Variants in COQ4 observed in about 807,000 individuals in gnomAD.
The protein encoded by COQ4 is coenzyme Q4.
In COQ4, 36 loss-of-function variants were observed where a neutral mutation model predicts 30.2. The ratio of observed to expected loss-of-function variants is 1.19; its 90% CI spans 0.91 to 1.57. The LOEUF (loss-of-function observed/expected upper bound fraction) is 1.57. Among genes scored for constraint, COQ4 ranks in the 40% most tolerant of loss-of-function variants. The pLI, the probability that COQ4 is intolerant of heterozygous loss-of-function variation, is 0.00. For missense variants in COQ4, 369 were observed against 371.9 expected (o/e 0.99, Z 0.07); for synonymous variants, 197 against 161.0 (o/e 1.22, Z -1.69).
At chr9:128,323,426 A>G (rs1254517437) in intron 2 of COQ4, 1 of 520,544 alleles carries the variant, frequency 1.9e-6, no homozygotes, top group Non-Finnish European at 3.3e-6. Flanking sequence ...GACTAAATAG[A>G]TGATTCATAA....
In COQ4 at chr9:128,333,928, T is replaced by A; in HGVS notation, c.*283T>A. ...TGCTGGGATGTCGCAGTGCTCCTGTTGCAACTCCTCCCAGCCAGCCAGGTT... is the reference window on the plus strand; with the variant it reads ...TGCTGGGATGTCGCAGTGCTCCTGTAGCAACTCCTCCCAGCCAGCCAGGTT... On this transcript the variant is annotated 3_prime_UTR_variant, in exon 7 of 7. Transcript: ENST00000300452. 3.9e-6 allele frequency: 1 copy of A among 255,280 alleles called. No homozygotes were observed. The highest frequency in any genetic ancestry group is 7.4e-6 in the Non-Finnish European group (1 of 134,710). 15.8% of individuals were successfully genotyped at this position (255,280 alleles called of 1,614,324 possible). A position where few individuals can be genotyped will look rare whatever the true frequency, so the allele number is the denominator to read the frequency against.
Position 128,324,298 on chromosome 9 carries a change from A to G in COQ4, c.203-845A>G, listed in dbSNP as rs531871498. Among the ~76,000 whole-genome samples, 4 of 151,434 alleles carry G rather than the reference A, an allele frequency of 2.6e-5. No individual in the cohort carries two copies. The South Asian group carries it at 8.4e-4, about 32-fold the overall frequency. On this transcript the variant is annotated intron_variant, in intron 2 of 6. Transcript: ENST00000300452. ...CCGGCCAAGACCAGCGAATTTTTTA[A>G]TTTTTTTGTAGAGACGGCGTCTTGC...
chr9:128,332,387 C>G (rs933925605), intron 5 of COQ4, 105 bp downstream of exon 5: 1 of 1,264,812 alleles, frequency 7.9e-7, no homozygotes, highest in Non-Finnish European at 1.1e-6. Context: ...CTTGGTGCCT[C>G]AATTTCTGCT....
At chr9:128,326,021 C>T (rs1361731357) in intron 4 of COQ4, 140 bp downstream of exon 4, 6 of 748,450 alleles carry the variant, frequency 8.0e-6, no homozygotes, top group Non-Finnish European at 2.3e-6. Context: ...AAGGCTTTGT[C>T]ATTTTCTATG....
chr9:128,325,737 C>T (rs754048442), intron 3 of COQ4, 42 bp from the exon 4 acceptor site: 9 of 1,521,238 alleles, frequency 5.9e-6, no homozygotes, highest in Non-Finnish European at 2.7e-6. Context: ...CGTTCACCTA[C>T]CTTTGCCCAC....
intron 2 of COQ4, among the ~76,000 whole-genome samples, chr9:128,323,897 A>G (rs910728154): frequency 1.1e-4 from 16 of 152,160 alleles, no homozygotes; most frequent in African/African-American, 3.1e-4. Flanking sequence ...GTAAGTTGTG[A>G]TTGCGCCATT....
Position 128,325,873 on chromosome 9 carries a change from G to A in COQ4, c.394G>A (p.Asp132Asn). ...SLGREYLRFLDVNRVSPDTRA... is the reference protein window; with the variant it reads ...SLGREYLRFLNVNRVSPDTRA... ...CGGTCGCGAGTATCTCCGTTTCCTG[G>A]ATGTGAACGTGAGTTTTCAGCTCCT... The change falls in exon 4 of 7, where the codon GAT (aspartate) becomes AAT (asparagine). Residue 132 changes from aspartate (D) to asparagine (N), a missense_variant. Transcript: ENST00000300452. 6.2e-7 allele frequency: 1 copy of A among 1,614,082 alleles called. No homozygotes were observed. Among genetic ancestry groups the A allele is most frequent in the Admixed American group, 1.7e-5 (1 of 60,020 alleles).
In COQ4 at chr9:128,333,679, C is replaced by T. The variant is rs1832453986; in HGVS notation, c.*34C>T. On this transcript the variant is annotated 3_prime_UTR_variant, in exon 7 of 7. Transcript: ENST00000300452. ...GCCAGCGGGGCCTGGCCTACCTCCC[C>T]CATCCCCTGCTTCCCTTGGAGGCAG... The T allele has an allele frequency of 1.3e-6, 2 of 1,488,170 alleles. No homozygotes were observed. Among genetic ancestry groups the T allele is most frequent in the African/African-American group, 1.4e-5 (1 of 70,234 alleles). 92.2% of individuals were successfully genotyped at this position (1,488,170 alleles called of 1,614,324 possible).
At chr9:128,330,838 C>G (rs964259541) in intron 4 of COQ4, 1 of 119,032 alleles carries the variant, frequency 8.4e-6, no homozygotes, top group African/African-American at 3.1e-5. Context: ...AATCAATTTT[C>G]TTTTTTTTTT....
intron 6 of COQ4, 45 bp downstream of exon 6, chr9:128,332,988 A>G: frequency 7.0e-7 from 1 of 1,434,886 alleles, no homozygotes; most frequent in Non-Finnish European, 9.8e-7. Flanking sequence ...GGGTGGTATC[A>G]GGACAGAACT....
At chr9:128,327,659 G>A (rs1832344123) in intron 4 of COQ4, among the ~76,000 whole-genome samples, 1 of 152,042 alleles carries the variant, frequency 6.6e-6, no homozygotes, top group African/African-American at 2.4e-5. Context: ...AATTAGCCAA[G>A]TGTGGTGGTG....
intron 4 of COQ4, among the ~76,000 whole-genome samples, chr9:128,328,264 T>C (rs1478662105): frequency 6.9e-6 from 1 of 144,862 alleles, no homozygotes; most frequent in Non-Finnish European, 1.5e-5. Flanking sequence ...GACAGTAAAG[T>C]GACCTGATTT....
Position 128,332,081 on chromosome 9 carries a change from T to A in COQ4, c.403-72T>A, listed in dbSNP as rs916821971. On this transcript the variant is annotated intron_variant, in intron 4 of 6. Coordinates refer to ENST00000300452, the MANE Select transcript of COQ4 (RefSeq NM_016035.5). The stretch of plus-strand genomic sequence containing the variant: ...GAGTTAGGTGAGAGTTGTGACGGTG[T>A]CAGAGACAGACTGGCAAATCGGGCC... The A allele has an allele frequency of 1.5e-5, 23 of 1,512,882 alleles. No individual in the cohort carries two copies. In the Middle Eastern group the frequency reaches 6.8e-4, roughly 45 times the overall value. 93.7% of individuals were successfully genotyped at this position (1,512,882 alleles called of 1,614,324 possible). A position where few individuals can be genotyped will look rare whatever the true frequency, so the allele number is the denominator to read the frequency against.
At chr9:128,330,667 A>G (rs920985257) in intron 4 of COQ4, 1 of 149,514 alleles carries the variant, frequency 6.7e-6, no homozygotes, top group African/African-American at 2.5e-5. Flanking sequence ...CTAATTTTTG[A>G]CCATATTGGT....
At chr9:128,326,246 T>C in intron 4 of COQ4, 2 of 431,756 alleles carry the variant, frequency 4.6e-6, no homozygotes, top group South Asian at 6.3e-5. Context: ...ATAACTGGTA[T>C]TAATGGAGAT....
At chr9:128,325,355 A>G (rs531998697) in intron 3 of COQ4, 116 bp downstream of exon 3, 7 of 716,584 alleles carry the variant, frequency 9.8e-6, no homozygotes, top group South Asian at 9.2e-5. Flanking sequence ...CTGGCTACAT[A>G]TGGTTGCACA....
Position 128,323,071 on chromosome 9 carries a change from C to T in COQ4, c.126C>T (p.Leu42=), listed in dbSNP as rs1309341226. ...CCGGCCCGCTATACTCGCACCACCT[C>T]CCCACCTCCCCGCTGCAGAAAGGGC... ...DGAGPLYSHH[L]PTSPLQKGLL... Residue 42 remains leucine (L), a synonymous_variant, in exon 2 of 7, where the codon CTC becomes CTT. Coordinates refer to ENST00000300452, the MANE Select transcript of COQ4 (RefSeq NM_016035.5). 4 of 1,612,058 alleles carry T rather than the reference C, an allele frequency of 2.5e-6. No individual in the cohort carries two copies. The South Asian group carries it at 3.3e-5, about 13-fold the overall frequency.
intron 4 of COQ4, among the ~76,000 whole-genome samples, chr9:128,327,793 C>T (rs1318017277): frequency 6.6e-6 from 1 of 152,188 alleles, no homozygotes; most frequent in African/African-American, 2.4e-5. Context: ...CAGAGCAAGA[C>T]TCTGTCTCAA....
At chr9:128,328,992 C>T (rs1832364731) in intron 4 of COQ4, among the ~76,000 whole-genome samples, 1 of 152,128 alleles carries the variant, frequency 6.6e-6, no homozygotes, top group Non-Finnish European at 1.5e-5. Context: ...CACCTTTGTC[C>T]CCAGAGAGAT....
Sources: allele counts gnomAD v4.1 joint callset (sites outside exome capture counted in the v4.1 genomes callset), GRCh38; gene constraint gnomAD v4.1.1; transcripts MANE v1.5; gene names NCBI Gene and HGNC (gene_info 2026-07-23, HGNC 2026-07-21).